The following EYS variants were observed in gnomAD, a reference collection of about 807,000 sequenced individuals.
The protein encoded by EYS is EGF-like photoreceptor maintenance factor.
EYS carries 250 observed loss-of-function variants against 282.1 expected under a neutral mutation model. The ratio of observed to expected loss-of-function variants is 0.89; its 90% confidence interval spans 0.80 to 0.98. EYS has a LOEUF of 0.98. EYS is among the 50% of genes least tolerant of loss of function. EYS has a pLI of 0.00. For synonymous variants in EYS, 1,355 were observed against 1,282.9 expected, an observed-to-expected ratio of 1.06 and a Z score of -1.20; for missense variants, 4,016 against 3,709.0, an observed-to-expected ratio of 1.08 and a Z score of -2.15.
At chr6:63,937,951 T>C (rs1179605307) in intron 35 of EYS, among the ~76,000 whole-genome samples, 3 of 152,228 alleles carry the variant, frequency 2.0e-5, no homozygotes, top group Admixed American at 2.0e-4. Context: ...GTGTCAAAAT[T>C]GAGAAGAGCG....
intron 26 of EYS, among the ~76,000 whole-genome samples, chr6:64,587,836 T>C (rs1766279940): frequency 6.6e-6 from 1 of 152,150 alleles, no homozygotes; most frequent in East Asian, 1.9e-4. Context: ...GAAAGACATA[T>C]GGATTAATTG....
chr6:65,480,307 A>G (rs1765562604), intron 5 of EYS, among the ~76,000 whole-genome samples: 1 of 152,174 alleles, frequency 6.6e-6, no homozygotes, highest in African/African-American at 2.4e-5. Flanking sequence ...AAGACAACTT[A>G]AAAATGGCAG....
Position 64,590,977 on chromosome 6 carries a change from A to G in EYS, c.4890T>C (p.Phe1630=), listed in dbSNP as rs922506231. The part of the protein sequence containing the change: ...SVAFTEVPSL[F]PSKKSAKRTI... ...TTCTTTTTGCACTCTTTTTAGAAGG[A>G]AATAAAGATGGCACTTCTGTGAATG... is the stretch of plus-strand genomic sequence containing the variant. Residue 1630 remains phenylalanine, a synonymous_variant, in exon 26 of 43, where the codon TTT becomes TTC. Transcript: ENST00000503581. 3.9e-6 allele frequency: 6 copies of G among 1,551,152 alleles called. No homozygotes were observed. In the Admixed American group the frequency reaches 1.2e-4, roughly 30 times the overall value.
At chr6:64,772,780 T>C (rs1295991590) in intron 22 of EYS, among the ~76,000 whole-genome samples, 2 of 151,860 alleles carry the variant, frequency 1.3e-5, no homozygotes, top group Non-Finnish European at 2.9e-5. Flanking sequence ...TTTCTTTGCC[T>C]GGGTTATTTC....
At chr6:64,295,832 G>A (rs1193217464) in intron 30 of EYS, among the ~76,000 whole-genome samples, 2 of 151,906 alleles carry the variant, frequency 1.3e-5, no homozygotes, top group Non-Finnish European at 2.9e-5. Context: ...TCAGAATTTT[G>A]GGTAAGTCAT....
intron 22 of EYS, among the ~76,000 whole-genome samples, chr6:64,743,141 A>G (rs1772431324): frequency 1.3e-5 from 2 of 152,114 alleles, no homozygotes; most frequent in South Asian, 4.1e-4. Flanking sequence ...AAAATGAACA[A>G]ATGTGATAAA....
rs78679835 is a variant in EYS at position 64,106,273 on chromosome 6, A to G, written c.6425-24271T>C. On this transcript the variant is annotated intron_variant, in intron 31 of 42. Coordinates refer to ENST00000503581, the MANE Select transcript of EYS (RefSeq NM_001142800.2). ...TGCACTAGAGTTTGCAATATAACTA[A>G]TTTAGAACTAATTTAAGTACTTTCA... is the stretch of plus-strand genomic sequence containing the variant. 1.3e-4 allele frequency among the ~76,000 whole-genome samples: 20 copies of G among 152,222 alleles called. No individual in the cohort carries two copies. In the East Asian group the frequency reaches 3.9e-3, roughly 29 times the overall value.
In EYS at chr6:63,980,896, G is replaced by A. The variant is rs556082509; in HGVS notation, c.7055+3487C>T. On this transcript the variant is annotated intron_variant, in intron 35 of 42. Transcript: ENST00000503581. Reference sequence around the variant, plus strand: ...AGAAAGAAAGAGAACCTTTGGCTTCGGCTAACAACATAGATAGGAAGTGGG... The same window carrying A: ...AGAAAGAAAGAGAACCTTTGGCTTCAGCTAACAACATAGATAGGAAGTGGG... Among the ~76,000 whole-genome samples the A allele has an allele frequency of 9.9e-5, 15 of 151,930 alleles. 1 individual carries two copies. In the South Asian group the frequency reaches 1.2e-3, roughly 13 times the overall value.
intron 10 of EYS, among the ~76,000 whole-genome samples, chr6:65,337,347 G>C (rs890779413): frequency 1.3e-5 from 2 of 151,226 alleles, no homozygotes; most frequent in African/African-American, 4.8e-5. Flanking sequence ...ATTCACAAAG[G>C]CTTTCATTTC....
At chr6:65,610,712 GGAT>G (rs1376523831) in intron 2 of EYS, among the ~76,000 whole-genome samples, 1 of 151,986 alleles carries the variant, frequency 6.6e-6, no homozygotes, top group African/African-American at 2.4e-5. Context: ...AATTTTCACA[GGAT>G]GATATGATGC....
chr6:64,302,934 A>T (rs556620028), intron 30 of EYS, among the ~76,000 whole-genome samples: 1 of 152,188 alleles, frequency 6.6e-6, no homozygotes, highest in Admixed American at 6.5e-5. Flanking sequence ...TTTGAATTCC[A>T]GCACGATGCA....
At chr6:65,197,983 C>T (rs2150244053) in intron 12 of EYS, among the ~76,000 whole-genome samples, 1 of 152,076 alleles carries the variant, frequency 6.6e-6, no homozygotes, top group South Asian at 2.1e-4. Flanking sequence ...ACTTTATAAA[C>T]TTTTATATAT....
intron 15 of EYS, among the ~76,000 whole-genome samples, chr6:64,918,776 A>G (rs1412384902): frequency 6.6e-6 from 1 of 152,202 alleles, no homozygotes; most frequent in African/African-American, 2.4e-5. Context: ...AACGATGGAA[A>G]TAGAAGAAAA....
chr6:65,426,680 C>G (rs1055231907), intron 5 of EYS, among the ~76,000 whole-genome samples: 2 of 152,004 alleles, frequency 1.3e-5, no homozygotes, highest in Non-Finnish European at 2.9e-5. Flanking sequence ...ATGAATAAAT[C>G]GTAGGGTTGT....
intron 36 of EYS, among the ~76,000 whole-genome samples, chr6:63,829,159 G>A (rs185806162): frequency 6.6e-6 from 1 of 152,316 alleles, no homozygotes; most frequent in African/African-American, 2.4e-5. Flanking sequence ...CTCTCAGCGT[G>A]AGCAATACAG....
chr6:64,446,996 G>T (rs1247596262), intron 26 of EYS, among the ~76,000 whole-genome samples: 3 of 144,558 alleles, frequency 2.1e-5, no homozygotes, highest in African/African-American at 5.0e-5. Flanking sequence ...TGGGGGGGGG[G>T]TGCTCATGTA....
intron 22 of EYS, among the ~76,000 whole-genome samples, chr6:64,673,289 G>T (rs1023571959): frequency 2.0e-5 from 3 of 152,044 alleles, no homozygotes; most frequent in Non-Finnish European, 4.4e-5. Flanking sequence ...ATTTTGATAA[G>T]ACATATATGA....
chr6:64,622,526 T>C (rs1767477474), intron 23 of EYS, among the ~76,000 whole-genome samples: 1 of 152,146 alleles, frequency 6.6e-6, no homozygotes, highest in South Asian at 2.1e-4. Flanking sequence ...GTTCAGAATG[T>C]TGCAGGATTC....
intron 12 of EYS, among the ~76,000 whole-genome samples, chr6:65,075,125 A>T (rs1326750467): frequency 6.6e-6 from 1 of 151,984 alleles, no homozygotes; most frequent in South Asian, 2.1e-4. Context: ...AGGATTTTTA[A>T]GTTGAGAACA....
Sources: allele counts gnomAD v4.1 joint callset (sites outside exome capture counted in the v4.1 genomes callset), GRCh38; gene constraint gnomAD v4.1.1; transcripts MANE v1.5; gene names NCBI Gene and HGNC (gene_info 2026-07-23, HGNC 2026-07-21).